The following ZBTB20 variants were observed in gnomAD, a reference collection of about 807,000 sequenced individuals.
The protein encoded by ZBTB20 is zinc finger and BTB domain-containing protein 20.
In ZBTB20, 9 loss-of-function variants were observed where a neutral mutation model predicts 56.9. The observed-to-expected ratio is 0.16, with a 90% CI of 0.10 to 0.28. ZBTB20 has a LOEUF of 0.28. Ranked by LOEUF, ZBTB20 falls within the 10% of genes least tolerant of loss-of-function variation. ZBTB20 has a pLI of 1.00. For missense variants in ZBTB20, 655 were observed against 1,003.0 expected (o/e 0.65, Z 4.69); for synonymous variants, 417 against 420.7 (o/e 0.99, Z 0.11).
At position 114,457,744 on chromosome 3, in the gene ZBTB20, T is replaced by C. The variant is rs144891243; in HGVS notation, c.-255+42608A>G. On this transcript the variant is annotated intron_variant, in intron 7 of 11. Transcript: ENST00000675478. ...AGGTACTACCAATATCCGCATTTCA[T>C]AGAAAAGAAAACTGAGGTATAGAAA... Among the ~76,000 whole-genome samples, 760 of 152,186 alleles carry C rather than the reference T, an allele frequency of 5.0e-3. 8 individuals are homozygous for C. The highest frequency in any genetic ancestry group is 0.023 in the Admixed American group (354 of 15,262).
intron 5 of ZBTB20, among the ~76,000 whole-genome samples, chr3:114,798,321 C>T (rs2071461234): frequency 7.5e-6 from 1 of 132,570 alleles, no homozygotes; most frequent in East Asian, 2.2e-4. Flanking sequence ...AGGCATGATA[C>T]TAGGAACAAA....
chr3:115,147,003 C>A (rs1032835008), intron 1 of ZBTB20, among the ~76,000 whole-genome samples: 1 of 148,584 alleles, frequency 6.7e-6, no homozygotes, highest in African/African-American at 2.5e-5. Context: ...CGGGGCGGGG[C>A]GGGGCGGGGC....
intron 1 of ZBTB20, among the ~76,000 whole-genome samples, chr3:115,107,875 G>A (rs2108619447): frequency 6.6e-6 from 1 of 152,254 alleles, no homozygotes; most frequent in South Asian, 2.1e-4. Context: ...ATAATCCTCA[G>A]CAAACTAACA....
chr3:114,472,984 G>A (rs2040316297), intron 7 of ZBTB20, among the ~76,000 whole-genome samples: 1 of 152,202 alleles, frequency 6.6e-6, no homozygotes, highest in African/African-American at 2.4e-5. Context: ...CCTGTGCTGA[G>A]TCTGCACAGA....
chr3:114,630,408 C>T (rs2058879308), intron 6 of ZBTB20, among the ~76,000 whole-genome samples: 1 of 152,174 alleles, frequency 6.6e-6, no homozygotes, highest in Admixed American at 6.5e-5. Context: ...AAGCTATTTA[C>T]AGGGATGTAT....
intron 6 of ZBTB20, among the ~76,000 whole-genome samples, chr3:114,633,293 G>C (rs1343636179): frequency 6.6e-6 from 1 of 152,176 alleles, no homozygotes; most frequent in Non-Finnish European, 1.5e-5. Flanking sequence ...TGATGGAGGA[G>C]TCCCCAAGTT....
At chr3:114,399,150 C>G (rs2086593896) in intron 7 of ZBTB20, among the ~76,000 whole-genome samples, 1 of 152,044 alleles carries the variant, frequency 6.6e-6, no homozygotes, top group South Asian at 2.1e-4. Flanking sequence ...AGTTTGGTCT[C>G]TTGATGCTTA....
At chr3:114,733,309 T>A (rs928016310) in intron 5 of ZBTB20, among the ~76,000 whole-genome samples, 2 of 152,196 alleles carry the variant, frequency 1.3e-5, no homozygotes, top group African/African-American at 4.8e-5. Context: ...TGCCTAAGCC[T>A]ACCTGGATAC....
At chr3:114,482,768 A>G (rs544349133) in intron 7 of ZBTB20, among the ~76,000 whole-genome samples, 111 of 152,328 alleles carry the variant, frequency 7.3e-4, no homozygotes, top group South Asian at 1.7e-3. Context: ...GTTATAGACC[A>G]AGGTCTAGAA....
intron 7 of ZBTB20, among the ~76,000 whole-genome samples, chr3:114,417,192 A>T (rs951003204): frequency 6.6e-6 from 1 of 152,102 alleles, no homozygotes; most frequent in Non-Finnish European, 1.5e-5. Context: ...ACTCGTTTCA[A>T]CTTAAATAAA....
intron 3 of ZBTB20, among the ~76,000 whole-genome samples, chr3:114,907,259 C>T (rs2075355920): frequency 1.3e-5 from 2 of 151,768 alleles, no homozygotes; most frequent in South Asian, 2.1e-4. Context: ...CAGACAGTGG[C>T]TACCAACCCT....
At chr3:115,033,950 T>C (rs1385201030) in intron 2 of ZBTB20, among the ~76,000 whole-genome samples, 1 of 151,614 alleles carries the variant, frequency 6.6e-6, no homozygotes, top group East Asian at 1.9e-4. Context: ...TTTTAACAGA[T>C]GTAAACCCAT....
chr3:115,127,371 C>T (rs2084363032), intron 1 of ZBTB20, among the ~76,000 whole-genome samples: 1 of 152,182 alleles, frequency 6.6e-6, no homozygotes, highest in South Asian at 2.1e-4. Flanking sequence ...AGGCAGATCA[C>T]TTGAGGTTAA....
rs1381655318 is a variant in ZBTB20, at chr3:114,321,560, A to T, written c.*17445T>A. 1 of 152,214 alleles carries T rather than the reference A, an allele frequency of 6.6e-6. No homozygotes were observed. Among genetic ancestry groups the T allele is most frequent in the Non-Finnish European group, 1.5e-5 (1 of 68,030 alleles). 9.4% of individuals were successfully genotyped at this position (152,214 alleles called of 1,614,324 possible). A position where few individuals can be genotyped will look rare whatever the true frequency, so the allele number is the denominator to read the frequency against. On this transcript the variant is annotated 3_prime_UTR_variant, in exon 12 of 12. Coordinates refer to ENST00000675478, the MANE Select transcript of ZBTB20 (RefSeq NM_001348800.3). Reference sequence around the variant, plus strand: ...TCTTTACGTTAACTATACCTAACTGATGACTAATTCACACAGATGGTTCCA... The same window carrying T: ...TCTTTACGTTAACTATACCTAACTGTTGACTAATTCACACAGATGGTTCCA...
chr3:114,655,338 C>G (rs1410946696), intron 6 of ZBTB20, among the ~76,000 whole-genome samples: 1 of 145,018 alleles, frequency 6.9e-6, no homozygotes, highest in Non-Finnish European at 1.5e-5. Flanking sequence ...CTGCAAGCTC[C>G]GCTTCCCGGG....
At chr3:114,385,600 A>G (rs1322908486) in intron 8 of ZBTB20, among the ~76,000 whole-genome samples, 1 of 152,148 alleles carries the variant, frequency 6.6e-6, no homozygotes, top group Non-Finnish European at 1.5e-5. Context: ...AAGGGGTGGT[A>G]GCTCATGCCT....
chr3:114,929,925 ATAG>A (rs1273023579), intron 3 of ZBTB20, among the ~76,000 whole-genome samples: 1 of 152,240 alleles, frequency 6.6e-6, no homozygotes, highest in Non-Finnish European at 1.5e-5. Context: ...CATAAATTAT[ATAG>A]TAGAAGTTTC....
intron 6 of ZBTB20, among the ~76,000 whole-genome samples, chr3:114,554,805 T>C (rs1209947837): frequency 6.6e-6 from 1 of 152,088 alleles, no homozygotes; most frequent in Non-Finnish European, 1.5e-5. Context: ...CTGCTTCAAG[T>C]AGGAACAGCT....
At chr3:114,452,323 A>T (rs1040015462) in intron 7 of ZBTB20, among the ~76,000 whole-genome samples, 4 of 152,322 alleles carry the variant, frequency 2.6e-5, no homozygotes, top group African/African-American at 9.6e-5. Flanking sequence ...ACAAAAATAC[A>T]GAAAAGTCTG....
Sources: allele counts gnomAD v4.1 joint callset (sites outside exome capture counted in the v4.1 genomes callset), GRCh38; gene constraint gnomAD v4.1.1; transcripts MANE v1.5; gene names NCBI Gene and HGNC (gene_info 2026-07-23, HGNC 2026-07-21).